KIRREL3: variants seen among roughly 807,000 people sequenced by gnomAD.
KIRREL3 encodes kin of IRRE-like protein 3.
A neutral mutation model predicts 89.7 loss-of-function variants in KIRREL3; 36 were observed. The ratio of observed to expected loss-of-function variants is 0.40; its 90% CI spans 0.31 to 0.53. KIRREL3 has a LOEUF of 0.53. KIRREL3 is among the 20% of genes least tolerant of loss of function. The pLI is 0.49. For synonymous variants in KIRREL3, 445 were observed against 441.4 expected, an observed-to-expected ratio of 1.01 and a Z score of -0.10; for missense variants, 864 against 1,056.6, an observed-to-expected ratio of 0.82 and a Z score of 2.53.
intron 1 of KIRREL3, among the ~76,000 whole-genome samples, chr11:126,861,834 A>G (rs772187895): frequency 2.2e-4 from 34 of 152,206 alleles, no homozygotes; most frequent in Non-Finnish European, 4.4e-4. Context: ...TGAGGTGTGG[A>G]CGTCCAAAAG....
Position 126,999,414 on chromosome 11 carries a change from C to T in KIRREL3, c.55+1041G>A, listed in dbSNP as rs557516763. Among the ~76,000 whole-genome samples the T allele has an allele frequency of 6.6e-6, 1 of 152,346 alleles. No individual in the cohort carries two copies. Among genetic ancestry groups the T allele is most frequent in the African/African-American group, 2.4e-5 (1 of 41,578 alleles). On this transcript the variant is annotated intron_variant, in intron 1 of 16. Coordinates refer to ENST00000525144, the MANE Select transcript of KIRREL3 (RefSeq NM_032531.4). This position sits in a 1 kb window ranked among gnomAD's most constrained non-coding sequence, Gnocchi z 5.7. ...CTGTTTGCTTGCAAAGCCAGCCACC[C>T]ATGGCAGTGCTTTGCTTTCTCGAAA...
Position 126,697,561 on chromosome 11 carries a change from G to C in KIRREL3, c.56-134649C>G, listed in dbSNP as rs1044860613. On this transcript the variant is annotated intron_variant, in intron 1 of 16. Transcript: ENST00000525144. This position sits in a 1 kb window ranked among gnomAD's most constrained non-coding sequence, Gnocchi z 4.2. The stretch of plus-strand genomic sequence containing the variant: ...CTCTTTGTTTAATGAATGAATACAT[G>C]AATAGTGATTAGAGATGAGGCCCCA... Among the ~76,000 whole-genome samples, 1 of 152,174 alleles carries C rather than the reference G, an allele frequency of 6.6e-6. No homozygotes were observed. Among genetic ancestry groups the C allele is most frequent in the African/African-American group, 2.4e-5 (1 of 41,438 alleles).
intron 1 of KIRREL3, among the ~76,000 whole-genome samples, chr11:126,592,529 G>T (rs943514403): frequency 2.6e-5 from 4 of 152,226 alleles, no homozygotes; most frequent in Non-Finnish European, 4.4e-5. Flanking sequence ...GAAGATTGGG[G>T]TCTAAAGGGG....
chr11:126,967,525 C>T (rs1319068700), intron 1 of KIRREL3, among the ~76,000 whole-genome samples: 2 of 152,084 alleles, frequency 1.3e-5, no homozygotes, highest in African/African-American at 4.8e-5. Context: ...GAAAAATCTC[C>T]ACATCTCAGC....
At chr11:126,517,854 G>A (rs2134418591) in intron 4 of KIRREL3, among the ~76,000 whole-genome samples, 1 of 152,322 alleles carries the variant, frequency 6.6e-6, no homozygotes, top group Non-Finnish European at 1.5e-5. Flanking sequence ...CTGTCACACA[G>A]CTGGACACTG....
chr11:126,985,617 A>T lies in KIRREL3; in HGVS notation c.55+14838T>A, dbSNP rs1427974401. Among the ~76,000 whole-genome samples the T allele has an allele frequency of 6.6e-6, 1 of 152,128 alleles. No individual in the cohort carries two copies. Among genetic ancestry groups the T allele is most frequent in the Non-Finnish European group, 1.5e-5 (1 of 68,038 alleles). ...CCACTCCAGAGGGACAGGAGGCACG[A>T]GGGAGCAGAGCACATTCGGACAATG... On this transcript the variant is annotated intron_variant, in intron 1 of 16. Coordinates refer to ENST00000525144, the MANE Select transcript of KIRREL3 (RefSeq NM_032531.4). This position sits in a 1 kb window ranked among gnomAD's most constrained non-coding sequence, Gnocchi z 5.3.
chr11:126,574,820 G>A lies in KIRREL3; in HGVS notation c.56-11908C>T, dbSNP rs1449137237. On this transcript the variant is annotated intron_variant, in intron 1 of 16. Coordinates refer to ENST00000525144, the MANE Select transcript of KIRREL3 (RefSeq NM_032531.4). The surrounding 1 kb of genome is among the most constrained non-coding windows in gnomAD (Gnocchi z 5.3). ...CCTACTCCTGCCAACCCATTCATTTGTTTATTGATGAGCTGCTTAATACTT... is the reference window on the plus strand; with the variant it reads ...CCTACTCCTGCCAACCCATTCATTTATTTATTGATGAGCTGCTTAATACTT... Among the ~76,000 whole-genome samples the A allele has an allele frequency of 6.6e-6, 1 of 152,178 alleles. No homozygotes were observed. The highest frequency in any genetic ancestry group is 1.9e-4 in the East Asian group (1 of 5,202).
In KIRREL3 at chr11:127,000,690, C is replaced by T. The variant is rs535208768; in HGVS notation, c.-181G>A. 3.6e-6 allele frequency: 2 copies of T among 558,220 alleles called. No individual in the cohort carries two copies. The highest frequency in any genetic ancestry group is 6.3e-6 in the Non-Finnish European group (2 of 315,840). 34.6% of individuals were successfully genotyped at this position (558,220 alleles called of 1,614,324 possible). A position where few individuals can be genotyped will look rare whatever the true frequency, so the allele number is the denominator to read the frequency against. On this transcript the variant is annotated 5_prime_UTR_variant, in exon 1 of 17. Transcript: ENST00000525144. This position sits in a 1 kb window ranked among gnomAD's most constrained non-coding sequence, Gnocchi z 7.1. ...GTGCCTCTGGGTATCTGCAGCCAGC[C>T]GACACAAACTGCCTGTTCTTAGCCG...
chr11:126,886,174 C>A (rs756108851), intron 1 of KIRREL3, among the ~76,000 whole-genome samples: 3 of 152,158 alleles, frequency 2.0e-5, no homozygotes, highest in Non-Finnish European at 2.9e-5. Flanking sequence ...TGCTGCAAAC[C>A]CAGCTCTGAG....
At chr11:126,718,479 T>C (rs1377667833) in intron 1 of KIRREL3, among the ~76,000 whole-genome samples, 1 of 152,194 alleles carries the variant, frequency 6.6e-6, no homozygotes, top group East Asian at 1.9e-4. Context: ...CTGGAAACAC[T>C]TGGCTGTGCC....
rs1389705525 is a variant in KIRREL3 at position 126,599,359 on chromosome 11, T to C, written c.56-36447A>G. 2.6e-5 allele frequency among the ~76,000 whole-genome samples: 4 copies of C among 152,234 alleles called. No individual in the cohort carries two copies. The East Asian group carries it at 7.7e-4, about 29-fold the overall frequency. On this transcript the variant is annotated intron_variant, in intron 1 of 16. Transcript: ENST00000525144. ...GGACTCTCTCTGAGGCAGGCACGCT[T>C]TCGGCTGCACCTGCTATTCCATTGC...
At chr11:126,895,416 T>A (rs1479988912) in intron 1 of KIRREL3, among the ~76,000 whole-genome samples, 4 of 136,828 alleles carry the variant, frequency 2.9e-5, no homozygotes, top group African/African-American at 1.1e-4. Context: ...CACTGTACAC[T>A]GCAGCCTCAG....
Position 126,761,804 on chromosome 11 carries a change from C to T in KIRREL3, c.56-198892G>A, listed in dbSNP as rs1949673416. Among the ~76,000 whole-genome samples the T allele has an allele frequency of 6.6e-6, 1 of 152,152 alleles. No homozygotes were observed. The highest frequency in any genetic ancestry group is 1.5e-5 in the Non-Finnish European group (1 of 68,010). On this transcript the variant is annotated intron_variant, in intron 1 of 16. Transcript: ENST00000525144. This position sits in a 1 kb window ranked among gnomAD's most constrained non-coding sequence, Gnocchi z 4.4. ...TTTTATCTTCATTCCTATGAACTCT[C>T]TTGGGAAGAAGTCTCCCTAGGAAGC...
rs1946721169 is a variant in KIRREL3, at chr11:126,909,424, C to T, written c.55+91031G>A. Among the ~76,000 whole-genome samples the T allele has an allele frequency of 6.6e-6, 1 of 152,180 alleles. No homozygotes were observed. The highest frequency in any genetic ancestry group is 6.5e-5 in the Admixed American group (1 of 15,282). Reference sequence around the variant, plus strand: ...CCACCTCAGGCACGGTGCCCAGCTCCCAGCATACCCACAGAGTGAGAGCCA... The same window carrying T: ...CCACCTCAGGCACGGTGCCCAGCTCTCAGCATACCCACAGAGTGAGAGCCA... On this transcript the variant is annotated intron_variant, in intron 1 of 16. Transcript: ENST00000525144. The surrounding 1 kb of genome is among the most constrained non-coding windows in gnomAD (Gnocchi z 4.5).
In KIRREL3 at chr11:126,931,130, T is replaced by G. The variant is rs1947932713; in HGVS notation, c.55+69325A>C. Among the ~76,000 whole-genome samples the G allele has an allele frequency of 6.6e-6, 1 of 152,196 alleles. No individual in the cohort carries two copies. The highest frequency in any genetic ancestry group is 2.4e-5 in the African/African-American group (1 of 41,460). On this transcript the variant is annotated intron_variant, in intron 1 of 16. Transcript: ENST00000525144. The surrounding 1 kb of genome is among the most constrained non-coding windows in gnomAD (Gnocchi z 5.1). ...CTCTATGCTCATCTCAGCATGGAAC[T>G]TATGTGCACTACCTGTGTTTGTCTG...
intron 7 of KIRREL3, among the ~76,000 whole-genome samples, chr11:126,451,985 A>G (rs1180364866): frequency 3.3e-5 from 5 of 151,720 alleles, no homozygotes; most frequent in Non-Finnish European, 7.4e-5. Context: ...CCTCCCCTTT[A>G]TCTTATTCCT....
rs1198245425 is a variant in KIRREL3 at position 126,609,852 on chromosome 11, A to T, written c.56-46940T>A. Reference sequence around the variant, plus strand: ...CTGTGTCAGTTTTTTTCTGTTGATTATGAACAACAGCAGCTAACATTAATA... The same window carrying T: ...CTGTGTCAGTTTTTTTCTGTTGATTTTGAACAACAGCAGCTAACATTAATA... On this transcript the variant is annotated intron_variant, in intron 1 of 16. Transcript: ENST00000525144. The surrounding 1 kb of genome is among the most constrained non-coding windows in gnomAD (Gnocchi z 5.0). Among the ~76,000 whole-genome samples the T allele has an allele frequency of 6.6e-6, 1 of 152,186 alleles. No homozygotes were observed. The highest frequency in any genetic ancestry group is 1.5e-5 in the Non-Finnish European group (1 of 68,046).
Position 126,471,721 on chromosome 11 carries a change from T to C in KIRREL3, c.591+1588A>G, listed in dbSNP as rs931559322. ...CTGATGAAAAAAGGCTGTGGGGGCCTGGGCTCTGGATTGGTTGGTCTGCTT... is the reference window on the plus strand; with the variant it reads ...CTGATGAAAAAAGGCTGTGGGGGCCCGGGCTCTGGATTGGTTGGTCTGCTT... On this transcript the variant is annotated intron_variant, in intron 5 of 16. Coordinates refer to ENST00000525144, the MANE Select transcript of KIRREL3 (RefSeq NM_032531.4). This position sits in a 1 kb window ranked among gnomAD's most constrained non-coding sequence, Gnocchi z 5.4. Among the ~76,000 whole-genome samples the C allele has an allele frequency of 1.3e-5, 2 of 152,158 alleles. No homozygotes were observed. The highest frequency in any genetic ancestry group is 2.9e-5 in the Non-Finnish European group (2 of 68,026).
rs1592325223 is a variant in KIRREL3 at position 126,906,266 on chromosome 11, C to T, written c.55+94189G>A. Among the ~76,000 whole-genome samples, 2 of 152,206 alleles carry T rather than the reference C, an allele frequency of 1.3e-5. No homozygotes were observed. The highest frequency in any genetic ancestry group is 1.9e-4 in the East Asian group (1 of 5,202). ...GATGTTCAAAGACATGGCTCCCAGT[C>T]TCGGAAATCCAAACCTCACGCCTTG... On this transcript the variant is annotated intron_variant, in intron 1 of 16. Transcript: ENST00000525144. The surrounding 1 kb of genome is among the most constrained non-coding windows in gnomAD (Gnocchi z 4.1).
Sources: allele counts gnomAD v4.1 joint callset (sites outside exome capture counted in the v4.1 genomes callset), GRCh38; gene constraint gnomAD v4.1.1; non-coding constraint Gnocchi (gnomAD v3.1); transcripts MANE v1.5; gene names NCBI Gene and HGNC (gene_info 2026-07-23, HGNC 2026-07-21).